The following ATP8A2 variants were observed in gnomAD, a reference collection of about 807,000 sequenced individuals.
ATP8A2 encodes ATPase phospholipid transporting 8A2, also known as phospholipid-transporting ATPase IB.
A neutral mutation model predicts 165.6 loss-of-function variants in ATP8A2; 100 were observed. The observed-to-expected ratio is 0.60, with a 90% CI of 0.51 to 0.71. The LOEUF (loss-of-function observed/expected upper bound fraction) is 0.71. Among genes scored for constraint, ATP8A2 ranks in the 30% least tolerant of loss-of-function variants. ATP8A2 has a pLI of 0.00. For synonymous variants in ATP8A2, 543 were observed against 548.8 expected, an observed-to-expected ratio of 0.99 and a Z score of 0.15; for missense variants, 1,227 against 1,479.5, an observed-to-expected ratio of 0.83 and a Z score of 2.80.
In ATP8A2 at chr13:25,477,275, C is replaced by T. The variant is rs139348392; in HGVS notation, c.221+8154C>T. Among the ~76,000 whole-genome samples, 58 of 152,346 alleles carry T rather than the reference C, an allele frequency of 3.8e-4. 1 individual carries two copies. In the East Asian group the frequency reaches 0.011, roughly 29 times the overall value. On this transcript the variant is annotated intron_variant, in intron 2 of 36. Coordinates refer to ENST00000381655, the MANE Select transcript of ATP8A2 (RefSeq NM_016529.6). ...TTTTGGTCAGTAATTTATTTCCCCT[C>T]TCTCCTCTTCCCAAATTCTGTTAAC...
chr13:25,535,594 A>T (rs745799754), intron 6 of ATP8A2, among the ~76,000 whole-genome samples: 28 of 152,256 alleles, frequency 1.8e-4, no homozygotes, highest in Non-Finnish European at 3.7e-4. Context: ...CAGCTGGATC[A>T]CTTTAGCTCA....
chr13:25,768,972 C>T, intron 25 of ATP8A2, 74 bp from the exon 26 acceptor site: 1 of 1,375,914 alleles, frequency 7.3e-7, no homozygotes, highest in East Asian at 2.3e-5. Flanking sequence ...CCTTTTAATG[C>T]AGCGGAATGT....
At chr13:25,402,976 TAGAA>T (rs1212926196) in intron 1 of ATP8A2, among the ~76,000 whole-genome samples, 1 of 152,144 alleles carries the variant, frequency 6.6e-6, no homozygotes, top group African/African-American at 2.4e-5. Context: ...ATGCAAGAGA[TAGAA>T]AGGAAAATAG....
intron 24 of ATP8A2, among the ~76,000 whole-genome samples, chr13:25,596,448 A>G (rs990669814): frequency 6.6e-6 from 1 of 152,178 alleles, no homozygotes; most frequent in African/African-American, 2.4e-5. Flanking sequence ...CCAGCCCTCC[A>G]TATCCCCAGG....
At chr13:25,876,109 C>T (rs1320234556) in intron 33 of ATP8A2, among the ~76,000 whole-genome samples, 1 of 152,184 alleles carries the variant, frequency 6.6e-6, no homozygotes, top group East Asian at 1.9e-4. Flanking sequence ...AGCAGCCAGC[C>T]TCCAATAAAT....
intron 15 of ATP8A2, among the ~76,000 whole-genome samples, chr13:25,563,459 T>C (rs1593540633): frequency 6.6e-6 from 1 of 152,266 alleles, no homozygotes; most frequent in Non-Finnish European, 1.5e-5. Context: ...ATATAGTTGA[T>C]TCTTCACATT....
chr13:25,963,709 T>C (rs1002112274), intron 34 of ATP8A2, among the ~76,000 whole-genome samples: 2 of 152,252 alleles, frequency 1.3e-5, no homozygotes, highest in African/African-American at 4.8e-5. Context: ...ACTTTAGCAA[T>C]AGTCTCTTCC....
At chr13:25,434,641 G>A (rs569024020) in intron 1 of ATP8A2, among the ~76,000 whole-genome samples, 2 of 152,246 alleles carry the variant, frequency 1.3e-5, no homozygotes, top group South Asian at 2.1e-4. Flanking sequence ...GAGCCACTGT[G>A]CCTGGCCCCA....
chr13:25,557,565 G>T (rs1302862742), intron 13 of ATP8A2, among the ~76,000 whole-genome samples: 1 of 152,150 alleles, frequency 6.6e-6, no homozygotes, highest in African/African-American at 2.4e-5. Context: ...CATAAATACA[G>T]TAAAATAAGG....
chr13:25,846,478 T>G (rs1417345702), intron 30 of ATP8A2, among the ~76,000 whole-genome samples: 1 of 151,988 alleles, frequency 6.6e-6, no homozygotes, highest in African/African-American at 2.4e-5. Flanking sequence ...GAGTTTCAGG[T>G]TGCAGGAATA....
chr13:25,842,470 G>A (rs988577349), intron 30 of ATP8A2, among the ~76,000 whole-genome samples: 1 of 152,050 alleles, frequency 6.6e-6, no homozygotes, highest in South Asian at 2.1e-4. Flanking sequence ...ACATCAGTTC[G>A]AGACCAGCCT....
intron 2 of ATP8A2, among the ~76,000 whole-genome samples, 182 bp downstream of exon 2, chr13:25,469,303 A>G (rs1361371895): frequency 6.8e-6 from 1 of 146,868 alleles, no homozygotes; most frequent in Non-Finnish European, 1.5e-5. Flanking sequence ...CAGTAGGGTC[A>G]TGCGAATGCA....
intron 33 of ATP8A2, among the ~76,000 whole-genome samples, chr13:25,950,125 AGTACTCG>A (rs1955314017): frequency 2.0e-5 from 3 of 152,148 alleles, no homozygotes; most frequent in South Asian, 4.1e-4. Flanking sequence ...TAAACCACAC[AGTACTCG>A]TTTTAAACCT....
At chr13:25,948,747 A>G (rs1212010291) in intron 33 of ATP8A2, among the ~76,000 whole-genome samples, 1 of 152,172 alleles carries the variant, frequency 6.6e-6, no homozygotes, top group Non-Finnish European at 1.5e-5. Context: ...ACATAGTGAG[A>G]TGGGAGGTCT....
At chr13:25,752,917 C>G (rs934969842) in intron 25 of ATP8A2, among the ~76,000 whole-genome samples, 10 of 152,142 alleles carry the variant, frequency 6.6e-5, no homozygotes, top group Admixed American at 2.0e-4. Flanking sequence ...TCCTTGCCAC[C>G]CTCTAGCGTG....
chr13:25,642,931 G>A (rs1166050223), intron 24 of ATP8A2, among the ~76,000 whole-genome samples: 1 of 152,146 alleles, frequency 6.6e-6, no homozygotes, highest in Non-Finnish European at 1.5e-5. Context: ...GATGAAGCTG[G>A]AAACCATTAT....
intron 25 of ATP8A2, among the ~76,000 whole-genome samples, chr13:25,740,277 C>T (rs1593276999): frequency 6.8e-6 from 1 of 147,436 alleles, no homozygotes; most frequent in African/African-American, 2.5e-5. Context: ...CCACTGCACT[C>T]CAGCCTGGGG....
intron 25 of ATP8A2, among the ~76,000 whole-genome samples, chr13:25,707,575 C>G (rs188431301): frequency 6.6e-6 from 1 of 152,176 alleles, no homozygotes; most frequent in Non-Finnish European, 1.5e-5. Flanking sequence ...ATACAGGAAG[C>G]TCTTCTGCTT....
intron 27 of ATP8A2, among the ~76,000 whole-genome samples, chr13:25,809,660 T>G (rs778080966): frequency 2.0e-5 from 3 of 152,110 alleles, no homozygotes; most frequent in Non-Finnish European, 4.4e-5. Flanking sequence ...TTGGTGGGTC[T>G]CTCCTCTAGC....
Sources: gnomAD v4.1 joint callset for allele counts (sites outside exome capture counted in the v4.1 genomes callset) on GRCh38, gnomAD v4.1.1 for gene constraint, MANE v1.5 for transcripts, NCBI Gene and HGNC (gene_info 2026-07-23, HGNC 2026-07-21) for gene names.